The following NFIA variants were observed in gnomAD, a reference collection of about 807,000 sequenced individuals.
The protein encoded by NFIA is nuclear factor 1 A-type.
A neutral mutation model predicts 62.8 loss-of-function variants in NFIA; 8 were observed. The ratio of observed to expected loss-of-function variants is 0.13; its 90% CI spans 0.07 to 0.23. The LOEUF (loss-of-function observed/expected upper bound fraction) is 0.23. Ranked by LOEUF, NFIA falls within the 10% of genes least tolerant of loss-of-function variation. NFIA has a pLI of 1.00. For missense variants in NFIA, 410 were observed against 642.1 expected, an observed-to-expected ratio of 0.64 and a Z score of 3.91; for synonymous variants, 235 against 238.1, an observed-to-expected ratio of 0.99 and a Z score of 0.12.
chr1:61,228,457 TTGAACACTTACCC>T (rs560419893), intron 2 of NFIA, among the ~76,000 whole-genome samples: 116 of 152,302 alleles, frequency 7.6e-4, no homozygotes, highest in Middle Eastern at 6.8e-3. Context: ...GGCTTCAGTA[TTGAACACTTACCC>T]TGAAGAAAGA....
At chr1:61,348,471 C>T (rs1396984596) in intron 4 of NFIA, among the ~76,000 whole-genome samples, 2 of 152,170 alleles carry the variant, frequency 1.3e-5, no homozygotes, top group African/African-American at 4.8e-5. Flanking sequence ...CGGGACGTGC[C>T]AGGCCACCTG....
At chr1:61,367,345 C>G (rs1212451012) in intron 6 of NFIA, among the ~76,000 whole-genome samples, 1 of 152,188 alleles carries the variant, frequency 6.6e-6, no homozygotes, top group Non-Finnish European at 1.5e-5. Flanking sequence ...CTCCACTGCA[C>G]TAGCATATAT....
At chr1:61,395,672 G>C (rs1277524312) in intron 7 of NFIA, among the ~76,000 whole-genome samples, 2 of 152,142 alleles carry the variant, frequency 1.3e-5, no homozygotes, top group East Asian at 3.9e-4. Context: ...GCTGTTGCGT[G>C]GCGTTTGAAC....
intron 2 of NFIA, among the ~76,000 whole-genome samples, chr1:61,173,514 A>C (rs376610032): frequency 6.6e-6 from 1 of 151,898 alleles, no homozygotes; most frequent in East Asian, 1.9e-4. Context: ...CAGCCTCCCG[A>C]GTAGCTGGGA....
intron 2 of NFIA, among the ~76,000 whole-genome samples, chr1:61,099,476 T>G (rs1241020467): frequency 6.6e-6 from 1 of 152,260 alleles, no homozygotes; most frequent in African/African-American, 2.4e-5. Context: ...TCAAGGAGGT[T>G]GCCTATCTGG....
intron 2 of NFIA, among the ~76,000 whole-genome samples, chr1:61,261,833 A>T (rs773178002): frequency 3.3e-5 from 5 of 152,208 alleles, no homozygotes; most frequent in Non-Finnish European, 7.3e-5. Context: ...GCTGTTAGTA[A>T]AAGTTTCCTC....
chr1:61,277,619 C>T, intron 3 of NFIA, 34 bp downstream of exon 3: 1 of 1,607,694 alleles, frequency 6.2e-7, no homozygotes, highest in Admixed American at 1.7e-5. Context: ...CTGCTGCTTT[C>T]AGAGTCCACA....
At chr1:61,453,946 C>T (rs954922081) in intron 10 of NFIA, among the ~76,000 whole-genome samples, 4 of 152,256 alleles carry the variant, frequency 2.6e-5, no homozygotes, top group Middle Eastern at 3.4e-3. Flanking sequence ...CTACAGGATG[C>T]GTAGTTTTTC....
intron 2 of NFIA, among the ~76,000 whole-genome samples, chr1:61,164,201 A>G (rs536831653): frequency 6.6e-5 from 10 of 152,196 alleles, no homozygotes; most frequent in Admixed American, 5.9e-4. Context: ...CTGTCCTGAC[A>G]TGCTTCATTT....
At chr1:61,244,911 C>G (rs997492931) in intron 2 of NFIA, among the ~76,000 whole-genome samples, 2 of 152,146 alleles carry the variant, frequency 1.3e-5, no homozygotes, top group Non-Finnish European at 2.9e-5. Flanking sequence ...ATTAAGTAGA[C>G]TGAGCAATAT....
chr1:61,265,667 C>A (rs1657111659), intron 2 of NFIA, among the ~76,000 whole-genome samples: 1 of 152,122 alleles, frequency 6.6e-6, no homozygotes, highest in African/African-American at 2.4e-5. Flanking sequence ...GAAGGTATAT[C>A]TAAAATACAT....
intron 2 of NFIA, among the ~76,000 whole-genome samples, chr1:61,269,226 A>G (rs1353182708): frequency 6.6e-6 from 1 of 152,272 alleles, no homozygotes; most frequent in East Asian, 1.9e-4. Context: ...TTTAAAAAAA[A>G]AAAAAAGAAT....
In NFIA at chr1:61,136,043, C is replaced by T. The variant is rs78724237; in HGVS notation, c.559+47363C>T. Among the ~76,000 whole-genome samples the T allele has an allele frequency of 3.3e-3, 500 of 152,292 alleles. 1 individual carries two copies. Among genetic ancestry groups the T allele is most frequent in the Middle Eastern group, 0.01 (3 of 294 alleles). ...GAAAGCATTGTTTAAGTTGAACTCA[C>T]GAGATATACTACATCATGTAATATG... On this transcript the variant is annotated intron_variant, in intron 2 of 10. Coordinates refer to ENST00000403491, the MANE Select transcript of NFIA (RefSeq NM_001134673.4).
At chr1:61,131,245 C>G (rs1354689537) in intron 2 of NFIA, among the ~76,000 whole-genome samples, 1 of 151,264 alleles carries the variant, frequency 6.6e-6, no homozygotes, top group East Asian at 1.9e-4. Context: ...TGGAAGTTCA[C>G]TCTGGCTAGG....
At chr1:61,351,741 A>T (rs1300866152) in intron 4 of NFIA, among the ~76,000 whole-genome samples, 1 of 152,232 alleles carries the variant, frequency 6.6e-6, no homozygotes, top group Non-Finnish European at 1.5e-5. Flanking sequence ...AAATCATTTT[A>T]TAAGAGGCCA....
At chr1:61,287,063 C>T (rs1658549910) in intron 3 of NFIA, among the ~76,000 whole-genome samples, 1 of 152,134 alleles carries the variant, frequency 6.6e-6, no homozygotes, top group Non-Finnish European at 1.5e-5. Context: ...AGATATGGCA[C>T]ATCCTTGAAA....
rs1437054030 is a variant in NFIA at position 61,460,434 on chromosome 1, A to G, written c.*5114A>G. On this transcript the variant is annotated 3_prime_UTR_variant, in exon 11 of 11. Transcript: ENST00000403491. ...TTACATGGTGCTATTATAGGCTGAC[A>G]AAATGATTTACACAAATGTGACAAC... is the stretch of plus-strand genomic sequence containing the variant. 2.0e-5 allele frequency: 3 copies of G among 152,242 alleles called. No individual in the cohort carries two copies. The highest frequency in any genetic ancestry group is 2.0e-4 in the Admixed American group (3 of 15,282). 9.4% of individuals were successfully genotyped at this position (152,242 alleles called of 1,614,324 possible).
chr1:61,390,763 G>A (rs1451162131), intron 7 of NFIA, among the ~76,000 whole-genome samples: 1 of 152,208 alleles, frequency 6.6e-6, no homozygotes, highest in Non-Finnish European at 1.5e-5. Flanking sequence ...GTCATCACTA[G>A]ATGGCAGGGC....
At chr1:61,398,668 CA>C (rs1403612720) in intron 7 of NFIA, among the ~76,000 whole-genome samples, 3 of 152,158 alleles carry the variant, frequency 2.0e-5, no homozygotes, top group Admixed American at 6.5e-5. Context: ...CACCTCGAGT[CA>C]AAAGCTTTGT....
Sources: gnomAD v4.1 joint callset for allele counts (sites outside exome capture counted in the v4.1 genomes callset) on GRCh38, gnomAD v4.1.1 for gene constraint, MANE v1.5 for transcripts, NCBI Gene and HGNC (gene_info 2026-07-23, HGNC 2026-07-21) for gene names.